The following SPATA16 variants were observed in gnomAD, a reference collection of about 807,000 sequenced individuals.
SPATA16 encodes the protein spermatogenesis associated 16.
Under a neutral mutation model 63.3 loss-of-function variants are expected in SPATA16, and 36 were observed. That is an observed-to-expected ratio of 0.57 (90% CI 0.44 to 0.75). The LOEUF is 0.75. Among genes scored for constraint, SPATA16 ranks in the 30% least tolerant of loss-of-function variants. SPATA16 has a pLI of 0.00. For synonymous variants in SPATA16, 203 were observed against 216.7 expected, an observed-to-expected ratio of 0.94 and a Z score of 0.56; for missense variants, 646 against 679.3, an observed-to-expected ratio of 0.95 and a Z score of 0.54.
intron 5 of SPATA16, among the ~76,000 whole-genome samples, chr3:172,966,927 A>G (rs1474627744): frequency 6.6e-6 from 1 of 152,214 alleles, no homozygotes; most frequent in Non-Finnish European, 1.5e-5. Flanking sequence ...ACCCATAAAA[A>G]TCTATGGAAA....
chr3:172,923,260 G>C (rs991144265), intron 8 of SPATA16, among the ~76,000 whole-genome samples: 30 of 152,296 alleles, frequency 2.0e-4, no homozygotes, highest in African/African-American at 7.2e-4. Context: ...TGTGGGGAAG[G>C]GGTAGCTTTG....
At chr3:172,980,929 G>C (rs1004721098) in intron 4 of SPATA16, among the ~76,000 whole-genome samples, 1 of 152,120 alleles carries the variant, frequency 6.6e-6, no homozygotes, top group South Asian at 2.1e-4. Flanking sequence ...TCTTCCTGTT[G>C]TCTCTGCGAC....
intron 4 of SPATA16, among the ~76,000 whole-genome samples, chr3:173,004,447 A>C (rs1734895304): frequency 6.6e-6 from 1 of 151,478 alleles, no homozygotes. Flanking sequence ...AAAAAAAAAA[A>C]ACACCACCAC....
chr3:173,134,399 G>C (rs1022437883), intron 1 of SPATA16, among the ~76,000 whole-genome samples: 1 of 151,966 alleles, frequency 6.6e-6, no homozygotes, highest in African/African-American at 2.4e-5. Context: ...TGAGGCAGGA[G>C]GATCACTTGA....
chr3:172,908,321 A>G (rs1486557320), intron 10 of SPATA16, among the ~76,000 whole-genome samples: 3 of 152,312 alleles, frequency 2.0e-5, no homozygotes, highest in Non-Finnish European at 4.4e-5. Context: ...TTTTTTTAAA[A>G]AAAAATCATA....
chr3:173,068,375 AG>A (rs370412874), intron 2 of SPATA16, among the ~76,000 whole-genome samples: 8 of 152,332 alleles, frequency 5.3e-5, no homozygotes, highest in African/African-American at 1.9e-4. Context: ...AGAAGTTTGT[AG>A]TTTTCTATTT....
chr3:172,982,801 T>A (rs541263432), intron 4 of SPATA16, among the ~76,000 whole-genome samples: 10 of 152,222 alleles, frequency 6.6e-5, no homozygotes, highest in Non-Finnish European at 1.2e-4. Context: ...TGGATATTTC[T>A]AAGACTGTGC....
At chr3:172,895,974 T>C (rs766727541) in intron 10 of SPATA16, among the ~76,000 whole-genome samples, 1 of 151,772 alleles carries the variant, frequency 6.6e-6, no homozygotes, top group Middle Eastern at 3.2e-3. Context: ...GGTTATATGG[T>C]AGCTGCATAT....
intron 10 of SPATA16, among the ~76,000 whole-genome samples, chr3:172,912,453 T>C (rs912050443): frequency 1.3e-5 from 2 of 152,110 alleles, no homozygotes; most frequent in Non-Finnish European, 2.9e-5. Context: ...AGTTTCTGGG[T>C]TTTTTTGTAC....
chr3:173,052,564 G>A (rs1237651192), intron 2 of SPATA16, among the ~76,000 whole-genome samples: 1 of 152,182 alleles, frequency 6.6e-6, no homozygotes, highest in African/African-American at 2.4e-5. Flanking sequence ...AAGGCAAACA[G>A]TTAAAACAAT....
rs539065117 is a variant in SPATA16 at position 173,088,316 on chromosome 3, C to A, written c.612+28804G>T. The stretch of plus-strand genomic sequence containing the variant: ...GCCAGGATGCTCTCTATCTCTTGAC[C>A]TCATGATCCGACCACCTTGGCCTCC... On this transcript the variant is annotated intron_variant, in intron 2 of 10. Transcript: ENST00000351008. Among the ~76,000 whole-genome samples the A allele has an allele frequency of 8.1e-4, 123 of 152,024 alleles. 1 individual carries two copies. The highest frequency in any genetic ancestry group is 1.3e-3 in the Non-Finnish European group (86 of 67,952).
intron 2 of SPATA16, among the ~76,000 whole-genome samples, chr3:173,072,855 CAGA>C (rs1011933823): frequency 5.9e-5 from 9 of 152,166 alleles, no homozygotes; most frequent in African/African-American, 1.7e-4. Context: ...TTGGAGGACT[CAGA>C]AGAAGACTAG....
intron 2 of SPATA16, among the ~76,000 whole-genome samples, chr3:173,113,738 G>T (rs1427986963): frequency 6.6e-6 from 1 of 152,168 alleles, no homozygotes; most frequent in African/African-American, 2.4e-5. Context: ...ATTGGAAATT[G>T]TTATGTCACT....
chr3:173,074,125 T>TG (rs1212395935), intron 2 of SPATA16, among the ~76,000 whole-genome samples: 1 of 152,220 alleles, frequency 6.6e-6, no homozygotes, highest in East Asian at 1.9e-4. Flanking sequence ...TCACTATATC[T>TG]GGGAAGTAAC....
At chr3:172,956,907 G>C (rs1733610936) in intron 5 of SPATA16, 83 bp from the exon 6 acceptor site, 1 of 1,515,314 alleles carries the variant, frequency 6.6e-7, no homozygotes, top group Admixed American at 1.8e-5. Flanking sequence ...TACCTTTATG[G>C]ATGACTTAAA....
intron 6 of SPATA16, among the ~76,000 whole-genome samples, chr3:172,940,481 G>A (rs913460573): frequency 1.1e-4 from 16 of 152,266 alleles, no homozygotes; most frequent in African/African-American, 3.6e-4. Context: ...GAAATCTTGA[G>A]AAATAGCACT....
chr3:173,010,175 CTGGT>C, intron 4 of SPATA16, among the ~76,000 whole-genome samples: 1 of 152,220 alleles, frequency 6.6e-6, no homozygotes, highest in South Asian at 2.1e-4. Flanking sequence ...CCTGAGCACT[CTGGT>C]TGGCTGCAGC....
At chr3:173,034,919 G>A (rs368685876) in intron 3 of SPATA16, among the ~76,000 whole-genome samples, 1 of 152,062 alleles carries the variant, frequency 6.6e-6, no homozygotes, top group African/African-American at 2.4e-5. Flanking sequence ...CTCCTTTCTT[G>A]ATTGACACCG....
At chr3:173,023,698 A>G (rs1735387653) in intron 3 of SPATA16, among the ~76,000 whole-genome samples, 1 of 151,792 alleles carries the variant, frequency 6.6e-6, no homozygotes, top group Non-Finnish European at 1.5e-5. Context: ...GTAATATTTT[A>G]AAGTTTTTTT....
Sources: gnomAD v4.1 joint callset for allele counts (sites outside exome capture counted in the v4.1 genomes callset) on GRCh38, gnomAD v4.1.1 for gene constraint, MANE v1.5 for transcripts, NCBI Gene and HGNC (gene_info 2026-07-23, HGNC 2026-07-21) for gene names.